Variants in TOP2B observed in about 807,000 individuals in gnomAD.
The protein encoded by TOP2B is DNA topoisomerase II beta, also known as DNA topoisomerase 2-beta.
Under a neutral mutation model 193.5 loss-of-function variants are expected in TOP2B, and 51 were observed. The ratio of observed to expected loss-of-function variants is 0.26; its 90% CI spans 0.21 to 0.33. TOP2B has a LOEUF of 0.33. TOP2B is among the 10% of genes least tolerant of loss of function. TOP2B has a pLI of 1.00. For missense variants in TOP2B, 1,378 were observed against 1,909.3 expected (o/e 0.72, Z 5.19); for synonymous variants, 634 against 635.7 (o/e 1.00, Z 0.04).
intron 25 of TOP2B, 109 bp from the exon 26 acceptor site, chr3:25,615,695 T>C (rs1702485626): frequency 1.0e-6 from 1 of 957,696 alleles, no homozygotes; most frequent in Admixed American, 3.7e-5. Context: ...CTATAAATGC[T>C]ACATCTTCAG....
intron 21 of TOP2B, among the ~76,000 whole-genome samples, chr3:25,622,696 A>G (rs1030535617): frequency 6.6e-6 from 1 of 150,492 alleles, no homozygotes; most frequent in Non-Finnish European, 1.5e-5. Flanking sequence ...GCTGGAGTAC[A>G]GTGGCGCAAT....
intron 8 of TOP2B, 76 bp from the exon 9 acceptor site, chr3:25,632,870 C>A (rs995360907): frequency 4.1e-6 from 5 of 1,217,104 alleles, no homozygotes; most frequent in South Asian, 4.0e-5. Context: ...GTATTATAAA[C>A]CCTATTTTCT....
At chr3:25,642,769 A>C (rs764865293) in intron 3 of TOP2B, among the ~76,000 whole-genome samples, 5 of 152,194 alleles carry the variant, frequency 3.3e-5, no homozygotes, top group Non-Finnish European at 4.4e-5. Context: ...CACTTTCAAT[A>C]AACTAGTGAC....
chr3:25,650,411 T>G (rs78134494), intron 1 of TOP2B, among the ~76,000 whole-genome samples: 20,138 of 152,258 alleles, frequency 0.13, 1,669 homozygotes, highest in East Asian at 0.2. Context: ...TAGTAGCCAT[T>G]GCTTTGATTG....
chr3:25,615,626 G>T, intron 25 of TOP2B, 40 bp from the exon 26 acceptor site: 1 of 1,363,614 alleles, frequency 7.3e-7, no homozygotes, highest in South Asian at 1.9e-5. Flanking sequence ...GTCTTGTATA[G>T]TATCAAATTA....
chr3:25,624,196 C>T (rs1401163202), intron 20 of TOP2B, 101 bp downstream of exon 20: 8 of 1,349,202 alleles, frequency 5.9e-6, no homozygotes, highest in Non-Finnish European at 8.2e-6. Flanking sequence ...GTAGAATAAC[C>T]AGATAATCAC....
At chr3:25,628,373 G>T (rs997795058) in intron 15 of TOP2B, among the ~76,000 whole-genome samples, 1 of 151,800 alleles carries the variant, frequency 6.6e-6, no homozygotes, top group African/African-American at 2.4e-5. Context: ...TACTTGCGGG[G>T]GCTGAGGCAA....
rs146830252 is a variant in TOP2B at position 25,611,889 on chromosome 3, G to GT, written c.3786+625dup. Among the ~76,000 whole-genome samples the GT allele has an allele frequency of 5.7e-3, 863 of 151,908 alleles. 8 individuals carry two copies. Among genetic ancestry groups the GT allele is most frequent in the African/African-American group, 0.02 (835 of 41,438 alleles). ...TTAAAGTTGATATACTTATGGTTGG[G>GT]TTTTTGGAGGTTTTTGTTTTGTTTT... On this transcript the variant is annotated intron_variant, in intron 28 of 35. Coordinates refer to ENST00000264331, the MANE Select transcript of TOP2B (RefSeq NM_001330700.2).
rs778588509 is a variant in TOP2B, at chr3:25,598,396, G to A, written c.4792C>T (p.Pro1598Ser). The A allele has an allele frequency of 6.2e-7, 1 of 1,613,510 alleles. No homozygotes were observed. The highest frequency in any genetic ancestry group is 1.7e-5 in the Admixed American group (1 of 59,982). ...TCTTTCCTAGCCCGACCGGTTCGTG[G>A]CAGAGAAGGTGGCTCAGTAGGGAAG... is the stretch of plus-strand genomic sequence containing the variant. ...SDFPTEPPSL[P>S]RTGRARKEVK... Residue 1598 changes from proline (P) to serine (S), a missense_variant, in exon 36 of 36, where the codon CCA (proline) becomes TCA (serine). Around this residue, in one of 9 missense-constraint regions of TOP2B, gnomAD observed 556 missense variants for 584.2 expected, o/e 0.95. Coordinates refer to ENST00000264331, the MANE Select transcript of TOP2B (RefSeq NM_001330700.2).
At chr3:25,634,792 A>AC (rs1342979232) in intron 7 of TOP2B, among the ~76,000 whole-genome samples, 12 of 78,770 alleles carry the variant, frequency 1.5e-4, no homozygotes, top group South Asian at 4.3e-4. Context: ...AAAAAAAAAA[A>AC]AAAAACCAAA....
chr3:25,611,388 G>A (rs541084561), intron 28 of TOP2B, among the ~76,000 whole-genome samples: 2 of 152,240 alleles, frequency 1.3e-5, no homozygotes, highest in Non-Finnish European at 2.9e-5. Flanking sequence ...AGGCTACTCT[G>A]GTGTCAAAAT....
In TOP2B at chr3:25,633,898, T is replaced by C. The variant is rs750919091; in HGVS notation, c.969A>G (p.Thr323=). The change falls in exon 8 of 36, where the codon ACA becomes ACG. Residue 323 remains threonine (T), a synonymous_variant. Transcript: ENST00000264331. ...LANERWDVCL[T]LSEKGFQQIS... is the part of the protein sequence containing the mutation. ...TTTGCTGGAATCCTTTTTCACTCAA[T>C]GTGAGACAAACATCCCATCTTTCAT... 4.3e-6 allele frequency: 7 copies of C among 1,613,292 alleles called. No individual in the cohort carries two copies. In the South Asian group the frequency reaches 5.5e-5, roughly 13 times the overall value.
chr3:25,619,559 A>G lies in TOP2B; in HGVS notation c.3063+303T>C, dbSNP rs151146526. ...TTAAAATGCTAATAGAGATGGCCAT[A>G]AAGTACACAAAGGCCCTGCAATAAC... On this transcript the variant is annotated intron_variant, in intron 23 of 35. Coordinates refer to ENST00000264331, the MANE Select transcript of TOP2B (RefSeq NM_001330700.2). Among the ~76,000 whole-genome samples the G allele has an allele frequency of 2.6e-4, 40 of 152,254 alleles. 1 individual carries two copies. Among genetic ancestry groups the G allele is most frequent in the Middle Eastern group, 3.4e-3 (1 of 294 alleles).
rs1021602828 is a variant in TOP2B at position 25,601,552 on chromosome 3, G to A, written c.4490-327C>T. On this transcript the variant is annotated intron_variant, in intron 33 of 35. Transcript: ENST00000264331. ...GACAATCGCTTGAACCCGGGAGGTC[G>A]CAGTGAGCTGAGATTGCGCCACTGC... is the stretch of plus-strand genomic sequence containing the variant. Among the ~76,000 whole-genome samples, 8 of 152,092 alleles carry A rather than the reference G, an allele frequency of 5.3e-5. No homozygotes were observed. The East Asian group carries it at 7.7e-4, about 15-fold the overall frequency.
intron 28 of TOP2B, among the ~76,000 whole-genome samples, chr3:25,612,095 C>G (rs1314637901): frequency 2.0e-5 from 3 of 151,990 alleles, no homozygotes; most frequent in Non-Finnish European, 4.4e-5. Flanking sequence ...GCGCCCACCA[C>G]CACGCCCAGC....
intron 1 of TOP2B, among the ~76,000 whole-genome samples, chr3:25,657,810 CCAG>C (rs1418445189): frequency 6.6e-6 from 1 of 152,092 alleles, no homozygotes; most frequent in Non-Finnish European, 1.5e-5. Flanking sequence ...GCCTGTAATC[CCAG>C]CACTTTGGAA....
intron 35 of TOP2B, among the ~76,000 whole-genome samples, chr3:25,598,986 T>G (rs375193307): frequency 6.6e-6 from 1 of 152,100 alleles, no homozygotes; most frequent in African/African-American, 2.4e-5. Flanking sequence ...GGGGAGCTGA[T>G]GTCATTCATT....
chr3:25,609,643 C>A lies in TOP2B; in HGVS notation c.3856G>T (p.Ala1286Ser). The A allele has an allele frequency of 6.4e-7, 1 of 1,572,914 alleles. No homozygotes were observed. Among genetic ancestry groups the A allele is most frequent in the African/African-American group, 1.4e-5 (1 of 73,646 alleles). ...GATGGAGTCAATGCCTCTTCTCCTG[C>A]ACCTTCTACTGGTGCTCCACTGAAT... is the stretch of plus-strand genomic sequence containing the variant. Reference protein sequence around the residue: ...EEFSGAPVEGAGEEALTPSVP... With the variant: ...EEFSGAPVEGSGEEALTPSVP... The change falls in exon 29 of 36, where the codon GCA becomes TCA. Residue 1286 changes from alanine to serine, a missense_variant. Coordinates refer to ENST00000264331, the MANE Select transcript of TOP2B (RefSeq NM_001330700.2).
chr3:25,648,795 G>A (rs573359147), intron 1 of TOP2B, among the ~76,000 whole-genome samples: 37 of 152,304 alleles, frequency 2.4e-4, no homozygotes, highest in African/African-American at 8.2e-4. Flanking sequence ...CCAGAAGGTC[G>A]AGGCTGCAGT....
Sources: allele counts gnomAD v4.1 joint callset (sites outside exome capture counted in the v4.1 genomes callset), GRCh38; gene constraint gnomAD v4.1.1; regional missense constraint gnomAD v4.1.1; transcripts MANE v1.5; gene names NCBI Gene and HGNC (gene_info 2026-07-23, HGNC 2026-07-21).